POF1B: variants seen among roughly 807,000 people sequenced by gnomAD.
The protein encoded by POF1B is protein POF1B.
Under a neutral mutation model 55.3 loss-of-function variants are expected in POF1B, and 53 were observed. The ratio of observed to expected loss-of-function variants is 0.96; its 90% confidence interval spans 0.77 to 1.20. POF1B has a LOEUF of 1.20. Among genes scored for constraint, POF1B ranks in the 50% most tolerant of loss-of-function variants. The pLI, the probability that POF1B is intolerant of heterozygous loss-of-function variation, is 0.00. For missense variants in POF1B, 478 were observed against 420.5 expected (o/e 1.14, Z -1.20); for synonymous variants, 188 against 148.3 (o/e 1.27, Z -1.95).
In POF1B at chrX:85,309,949, A is replaced by G. The variant is rs1281436587; in HGVS notation, c.958-1733T>C. Among the ~76,000 whole-genome samples the G allele has an allele frequency of 4.5e-5, 5 of 112,100 alleles. No homozygotes were observed. The Admixed American group carries it at 4.7e-4, about 11-fold the overall frequency. On this transcript the variant is annotated intron_variant, in intron 9 of 16. Transcript: ENST00000262753. Reference sequence around the variant, plus strand: ...GCTTGGGCTTTCACCCTATCGCATCAAGAGAAGCTGAGTGGGGGAACCTCA... The same window carrying G: ...GCTTGGGCTTTCACCCTATCGCATCGAGAGAAGCTGAGTGGGGGAACCTCA...
intron 2 of POF1B, among the ~76,000 whole-genome samples, chrX:85,374,707 T>C (rs1933892338): frequency 8.9e-6 from 1 of 111,880 alleles, no homozygotes; most frequent in South Asian, 3.7e-4. Flanking sequence ...GCAATATCTT[T>C]AAAAACCACC....
At position 85,315,750 on chromosome X, in the gene POF1B, A is replaced by G. The variant is rs373856019; in HGVS notation, c.855-16T>C. The G allele has an allele frequency of 1.7e-6, 2 of 1,164,801 alleles. No homozygotes were observed. Among genetic ancestry groups the G allele is most frequent in the African/African-American group, 1.8e-5 (1 of 55,134 alleles). On this transcript the variant is annotated splice_polypyrimidine_tract_variant and intron_variant, in intron 7 of 16. Coordinates refer to ENST00000262753, the MANE Select transcript of POF1B (RefSeq NM_024921.4). ...GTCCTGTTTGCTGCAAGAACAAAAA[A>G]AAAGATACACAACTTTAGGAAAAGG...
chrX:85,325,136 T>C (rs776931923), intron 7 of POF1B, among the ~76,000 whole-genome samples: 19 of 111,592 alleles, frequency 1.7e-4, no homozygotes, highest in South Asian at 3.8e-4. Flanking sequence ...TTTTCTTTCA[T>C]TTCGAGAATC....
intron 8 of POF1B, among the ~76,000 whole-genome samples, chrX:85,315,442 C>G (rs1932779104): frequency 9.0e-6 from 1 of 110,837 alleles, no homozygotes; most frequent in Admixed American, 9.7e-5. Flanking sequence ...AAAAATAGAA[C>G]ATTTCAAATA....
chrX:85,285,892 T>C (rs934140930), intron 15 of POF1B, among the ~76,000 whole-genome samples: 1 of 106,985 alleles, frequency 9.3e-6, no homozygotes, highest in African/African-American at 3.5e-5. Flanking sequence ...TTTTTAGACT[T>C]AAAAGGCCAA....
chrX:85,318,343 T>A (rs1302854526), intron 7 of POF1B, among the ~76,000 whole-genome samples: 4 of 112,272 alleles, frequency 3.6e-5, no homozygotes, highest in African/African-American at 1.3e-4. Flanking sequence ...TGTTGATAGT[T>A]TATTTTGCTG....
chrX:85,292,265 C>G (rs111237489), intron 15 of POF1B, among the ~76,000 whole-genome samples: 209 of 112,051 alleles, frequency 1.9e-3, no homozygotes, highest in African/African-American at 6.2e-3. Flanking sequence ...TCTAACCAAC[C>G]TTGCATTCCA....
Position 85,346,031 on chromosome X carries a change from A to G in POF1B, c.552T>C (p.Pro184=). ...TAATGTGATGATGGCATTGAGCCTG[A>G]GGATGGCACCCCTAAGACACATACA... The part of the protein sequence containing the change: ...EKLNTDQGCH[P]QAQCHHHIIQ... Residue 184 remains proline, a synonymous_variant, in exon 6 of 17, where the codon CCT becomes CCC. Coordinates refer to ENST00000262753, the MANE Select transcript of POF1B (RefSeq NM_024921.4). The G allele has an allele frequency of 8.4e-7, 1 of 1,186,215 alleles. No individual in the cohort carries two copies. Among genetic ancestry groups the G allele is most frequent in the South Asian group, 1.9e-5 (1 of 51,402 alleles).
At chrX:85,308,597 T>G (rs759664152) in intron 9 of POF1B, among the ~76,000 whole-genome samples, 1 of 111,689 alleles carries the variant, frequency 9.0e-6, no homozygotes, top group Non-Finnish European at 1.9e-5. Context: ...CTGCCTGAAT[T>G]TTGCCTGAGG....
intron 4 of POF1B, among the ~76,000 whole-genome samples, chrX:85,353,179 G>C (rs1933422935): frequency 9.0e-6 from 1 of 110,925 alleles, no homozygotes; most frequent in Admixed American, 9.6e-5. Flanking sequence ...GTGGTCTTTG[G>C]ATATGAGAAA....
chrX:85,315,796 A>G, intron 7 of POF1B, 62 bp from the exon 8 acceptor site: 2 of 877,483 alleles, frequency 2.3e-6, no homozygotes, highest in Middle Eastern at 3.0e-4. Flanking sequence ...TCATATATAA[A>G]TGCTAGTTTT....
intron 7 of POF1B, among the ~76,000 whole-genome samples, chrX:85,329,834 G>A (rs1932947525): frequency 1.8e-5 from 2 of 108,545 alleles, no homozygotes; most frequent in South Asian, 3.9e-4. Flanking sequence ...AGATATACAA[G>A]AGATTAAGAG....
Position 85,374,146 on chromosome X carries a change from G to T in POF1B, c.282+5027C>A, listed in dbSNP as rs146715384. ...TCTTAGGTGTAATTAAAGTTGTGGA[G>T]ATTTTAAAATTAATATTCCTAGGGA... On this transcript the variant is annotated intron_variant, in intron 2 of 16. Transcript: ENST00000262753. 9.4e-3 allele frequency among the ~76,000 whole-genome samples: 1,047 copies of T among 111,519 alleles called. 16 individuals are homozygous for T. Among genetic ancestry groups the T allele is most frequent in the African/African-American group, 0.033 (998 of 30,694 alleles).
At chrX:85,335,729 A>G (rs911559736) in intron 6 of POF1B, among the ~76,000 whole-genome samples, 1 of 110,244 alleles carries the variant, frequency 9.1e-6, no homozygotes, top group Admixed American at 9.7e-5. Flanking sequence ...GTCTGTATAT[A>G]GTAGATGTAC....
At chrX:85,286,950 G>A (rs1932067295) in intron 15 of POF1B, among the ~76,000 whole-genome samples, 1 of 110,979 alleles carries the variant, frequency 9.0e-6, no homozygotes, top group African/African-American at 3.3e-5. Flanking sequence ...TAAATATATA[G>A]ATGAAATCCC....
At chrX:85,326,147 C>T (rs1394563723) in intron 7 of POF1B, among the ~76,000 whole-genome samples, 1 of 112,153 alleles carries the variant, frequency 8.9e-6, no homozygotes, top group Non-Finnish European at 1.9e-5. Flanking sequence ...GATCCACCCT[C>T]GTTTGCACAT....
At chrX:85,307,465 T>C (rs1267268410) in intron 10 of POF1B, among the ~76,000 whole-genome samples, 189 bp from the exon 11 acceptor site, 1 of 111,884 alleles carries the variant, frequency 8.9e-6, no homozygotes, top group Non-Finnish European at 1.9e-5. Context: ...AAACCTTCAT[T>C]GAAAGAGACA....
intron 5 of POF1B, among the ~76,000 whole-genome samples, chrX:85,347,277 A>G (rs138938686): frequency 1.1e-3 from 127 of 111,448 alleles, no homozygotes; most frequent in African/African-American, 3.9e-3. Flanking sequence ...GCAATGCACT[A>G]TATCCTTTTG....
intron 6 of POF1B, among the ~76,000 whole-genome samples, chrX:85,344,006 C>T (rs929543987): frequency 9.0e-6 from 1 of 111,267 alleles, no homozygotes; most frequent in Non-Finnish European, 1.9e-5. Flanking sequence ...TAGCACCTTC[C>T]TAATCTGATC....
Sources: allele counts gnomAD v4.1 joint callset (sites outside exome capture counted in the v4.1 genomes callset), GRCh38; gene constraint gnomAD v4.1.1; transcripts MANE v1.5; gene names NCBI Gene and HGNC (gene_info 2026-07-23, HGNC 2026-07-21).